Variants in SMG7 observed in about 807,000 individuals in gnomAD.
SMG7 encodes the protein nonsense-mediated mRNA decay factor SMG7.
Under a neutral mutation model 148.2 loss-of-function variants are expected in SMG7, and 34 were observed. That is an observed-to-expected ratio of 0.23 (90% confidence interval 0.17 to 0.31). The LOEUF is 0.31. Ranked by LOEUF, SMG7 falls within the 10% of genes least tolerant of loss-of-function variation. The pLI is 1.00. For synonymous variants in SMG7, 492 were observed against 515.1 expected, an observed-to-expected ratio of 0.96 and a Z score of 0.61; for missense variants, 1,114 against 1,408.4, an observed-to-expected ratio of 0.79 and a Z score of 3.35.
At chr1:183,528,857 T>A in intron 6 of SMG7, 35 bp from the exon 7 acceptor site, 1 of 1,574,896 alleles carries the variant, frequency 6.3e-7, no homozygotes, top group Non-Finnish European at 8.7e-7. Flanking sequence ...TTGTCACTCT[T>A]GGGGTTACTC....
intron 3 of SMG7, among the ~76,000 whole-genome samples, chr1:183,516,623 T>G (rs1663607808): frequency 6.6e-6 from 1 of 152,226 alleles, no homozygotes; most frequent in South Asian, 2.1e-4. Context: ...TGATAGAAAT[T>G]TAAAAATCAA....
In SMG7 at chr1:183,552,464, G is replaced by A; in HGVS notation, c.*533G>A. ...ATACACAGGTGTGCTTCTAGTCAGT[G>A]TGTAGCAAGGAAAGCCCCGTTCACT... On this transcript the variant is annotated 3_prime_UTR_variant, in exon 23 of 23. Coordinates refer to ENST00000688051, the MANE Select transcript of SMG7 (RefSeq NM_001375584.1). 3 of 994,968 alleles carry A rather than the reference G, an allele frequency of 3.0e-6. No homozygotes were observed. Among genetic ancestry groups the A allele is most frequent in the Non-Finnish European group, 3.6e-6 (3 of 835,284 alleles). 61.6% of individuals were successfully genotyped at this position (994,968 alleles called of 1,614,324 possible).
chr1:183,515,068 C>T (rs1456864186), intron 2 of SMG7, among the ~76,000 whole-genome samples: 11 of 152,158 alleles, frequency 7.2e-5, no homozygotes, highest in Admixed American at 7.2e-4. Flanking sequence ...CAATCATAAT[C>T]CCAGTGATTG....
At chr1:183,543,458 GGA>G (rs1033743586) in intron 14 of SMG7, among the ~76,000 whole-genome samples, 2 of 151,692 alleles carry the variant, frequency 1.3e-5, no homozygotes, top group South Asian at 2.1e-4. Flanking sequence ...AAGACATAGG[GGA>G]GAGAGAGAGA....
At chr1:183,513,247 A>G (rs903573002) in intron 2 of SMG7, 2 of 167,138 alleles carry the variant, frequency 1.2e-5, no homozygotes, top group East Asian at 1.6e-4. Flanking sequence ...TTTTCTATTA[A>G]TAATTAACCA....
intron 18 of SMG7, 146 bp downstream of exon 18, chr1:183,547,398 A>G (rs1180708749): frequency 5.5e-6 from 4 of 731,712 alleles, no homozygotes; most frequent in East Asian, 5.7e-5. Flanking sequence ...GCCTAAACCA[A>G]CCTTAAGTTG....
intron 20 of SMG7, 39 bp downstream of exon 20, chr1:183,549,962 T>G: frequency 6.9e-7 from 1 of 1,443,104 alleles, no homozygotes; most frequent in South Asian, 1.2e-5. Flanking sequence ...TTACATTTCC[T>G]GTACACTCAG....
At chr1:183,480,504 C>T (rs990200908) in intron 1 of SMG7, among the ~76,000 whole-genome samples, 8 of 152,122 alleles carry the variant, frequency 5.3e-5, no homozygotes, top group African/African-American at 1.9e-4. Context: ...CCCTCAAACT[C>T]ACACTTTTGT....
At chr1:183,486,555 C>T (rs574039624) in intron 1 of SMG7, among the ~76,000 whole-genome samples, 19 of 152,252 alleles carry the variant, frequency 1.2e-4, no homozygotes, top group Admixed American at 3.3e-4. Flanking sequence ...GGATTACAGG[C>T]GCCCGCCACC....
intron 8 of SMG7, 92 bp downstream of exon 8, chr1:183,529,625 A>G (rs1666514173): frequency 4.3e-6 from 4 of 934,080 alleles, no homozygotes; most frequent in Non-Finnish European, 6.5e-6. Context: ...GTAGTTACTT[A>G]ACTGTGTGAA....
At chr1:183,537,342 G>A in intron 11 of SMG7, 127 bp downstream of exon 11, 1 of 691,352 alleles carries the variant, frequency 1.4e-6, no homozygotes, top group Non-Finnish European at 2.6e-6. Context: ...AGAAGTGACT[G>A]TGAACTCTAC....
Position 183,515,889 on chromosome 1 carries a change from C to T in SMG7, c.77C>T (p.Pro26Leu), listed in dbSNP as rs747217177. Reference protein sequence around the residue: ...KADMTDSKLGPAEVWTSRQAL... With the variant: ...KADMTDSKLGLAEVWTSRQAL... ...TGTTACTCAGATTCTAAGCTGGGTC[C>T]AGCTGAAGTCTGGACATCCAGGCAG... is the stretch of plus-strand genomic sequence containing the variant. The change falls in exon 3 of 23, where the codon CCA (proline) becomes CTA (leucine). Residue 26 changes from proline (P) to leucine (L), a missense_variant. By Grantham distance (98) the Pro-to-Leu change is moderately conservative. This residue lies in a region of SMG7 where 216 missense variants were observed against 329.1 expected (regional missense o/e 0.66). Transcript: ENST00000688051. The T allele has an allele frequency of 2.5e-6, 4 of 1,609,434 alleles. No individual in the cohort carries two copies. In the South Asian group the frequency reaches 4.4e-5, roughly 18 times the overall value.
intron 1 of SMG7, among the ~76,000 whole-genome samples, chr1:183,508,552 C>T (rs1661459128): frequency 6.6e-6 from 1 of 152,028 alleles, no homozygotes; most frequent in South Asian, 2.1e-4. Context: ...TCTATTAAAA[C>T]ATTTATATAA....
Position 183,552,937 on chromosome 1 carries a change from G to A in SMG7, c.*1006G>A. The A allele has an allele frequency of 6.6e-7, 1 of 1,526,208 alleles. No homozygotes were observed. The allele number at this position is 1,526,208 out of a possible 1,614,324, so 94.5% of individuals were successfully genotyped here. On this transcript the variant is annotated 3_prime_UTR_variant, in exon 23 of 23. Transcript: ENST00000688051. The stretch of plus-strand genomic sequence containing the variant: ...TACCCAATGCTGTATGCTAGTAATT[G>A]TTTTTATTCCTAATGTGTGCAACAT...
intron 18 of SMG7, among the ~76,000 whole-genome samples, chr1:183,547,855 TAAAA>T (rs559627603): frequency 3.1e-3 from 479 of 152,254 alleles, no homozygotes; most frequent in East Asian, 8.3e-3. Flanking sequence ...TAGAATCACA[TAAAA>T]TAAAATCTGA....
At chr1:183,478,356 T>A (rs1653195062) in intron 1 of SMG7, among the ~76,000 whole-genome samples, 1 of 152,170 alleles carries the variant, frequency 6.6e-6, no homozygotes, top group African/African-American at 2.4e-5. Context: ...TGACATTTTT[T>A]GAATGAATGA....
In SMG7 at chr1:183,538,381, G is replaced by A. The variant is rs765834018; in HGVS notation, c.1236G>A (p.Ala412=). Residue 412 remains alanine (A), a splice_region_variant and synonymous_variant, in exon 12 of 23, where the codon GCG becomes GCA. Coordinates refer to ENST00000688051, the MANE Select transcript of SMG7 (RefSeq NM_001375584.1). ...CAAATTTTGATTTTGACCCTTTAGC[G>A]ACACCACTTCCAGAGGAGTTTGAAT... ...PHEEDLSSIS[A]TPLPEEFELQ... is the part of the protein sequence containing the mutation. The A allele has an allele frequency of 8.1e-6, 13 of 1,611,746 alleles. No homozygotes were observed. The highest frequency in any genetic ancestry group is 5.5e-5 in the South Asian group (5 of 91,032).
At chr1:183,510,237 A>G (rs1185249860) in intron 1 of SMG7, among the ~76,000 whole-genome samples, 3 of 152,190 alleles carry the variant, frequency 2.0e-5, no homozygotes, top group Non-Finnish European at 4.4e-5. Flanking sequence ...AAGGTACATA[A>G]TTAACCCTAG....
intron 1 of SMG7, among the ~76,000 whole-genome samples, chr1:183,474,873 G>A (rs1473835553): frequency 6.6e-6 from 1 of 152,176 alleles, no homozygotes; most frequent in East Asian, 1.9e-4. Context: ...ATTGAGAAGC[G>A]GGGAATTCCA....
Sources: gnomAD v4.1 joint callset for allele counts (sites outside exome capture counted in the v4.1 genomes callset) on GRCh38, gnomAD v4.1.1 for gene constraint, gnomAD v4.1.1 regional missense constraint, MANE v1.5 for transcripts, NCBI Gene and HGNC (gene_info 2026-07-23, HGNC 2026-07-21) for gene names.